Variants in CSMD3 observed in about 807,000 individuals in gnomAD.
CSMD3 encodes CUB and Sushi multiple domains 3.
A neutral mutation model predicts 435.2 loss-of-function variants in CSMD3; 177 were observed. The ratio of observed to expected loss-of-function variants is 0.41; its 90% confidence interval spans 0.36 to 0.46. CSMD3 has a LOEUF of 0.46. CSMD3 is among the 20% of genes least tolerant of loss of function. The probability of loss-of-function intolerance (pLI) is 0.34; values close to 1 mark genes in which losing one functional copy is unlikely to be tolerated. For synonymous variants in CSMD3, 1,656 were observed against 1,520.5 expected (o/e 1.09, Z -2.07); for missense variants, 4,265 against 4,504.6 (o/e 0.95, Z 1.52).
intron 1 of CSMD3, among the ~76,000 whole-genome samples, chr8:113,380,521 ATAGAC>A (rs775495465): frequency 6.6e-6 from 1 of 152,190 alleles, no homozygotes. Flanking sequence ...GGATCTGAAT[ATAGAC>A]TAATGTTTCC....
rs764006521 is a variant in CSMD3, at chr8:113,436,796, C to A, written c.59G>T (p.Gly20Val). 6.2e-7 allele frequency: 1 copy of A among 1,614,176 alleles called. No individual in the cohort carries two copies. The highest frequency in any genetic ancestry group is 1.1e-5 in the South Asian group (1 of 91,082). ...GCCACATTTAGCGCATCTTCGCTTG[C>A]CAGGCTCCCAGGGTTTGGATTCCTT... is the stretch of plus-strand genomic sequence containing the variant. ...RAKESKPWEP[G>V]KRRCAKCGRL... Residue 20 changes from glycine to valine, a missense_variant, in exon 1 of 71, where the codon GGC becomes GTC. Gly to Val is a moderately radical substitution (Grantham distance 109). This residue lies in a region of CSMD3 where 731 missense variants were observed against 755.4 expected (regional missense o/e 0.97). Transcript: ENST00000297405.
intron 10 of CSMD3, among the ~76,000 whole-genome samples, chr8:112,884,473 G>T (rs1328397781): frequency 6.6e-6 from 1 of 151,624 alleles, no homozygotes; most frequent in Non-Finnish European, 1.5e-5. Context: ...TAATTGTTTT[G>T]TTATAGAGGG....
At chr8:112,744,136 T>C (rs1169519756) in intron 13 of CSMD3, among the ~76,000 whole-genome samples, 1 of 152,064 alleles carries the variant, frequency 6.6e-6, no homozygotes, top group Non-Finnish European at 1.5e-5. Flanking sequence ...AATTTCAGAG[T>C]ATTAAATGTA....
At chr8:112,791,650 T>C (rs1373633019) in intron 13 of CSMD3, among the ~76,000 whole-genome samples, 1 of 152,140 alleles carries the variant, frequency 6.6e-6, no homozygotes, top group African/African-American at 2.4e-5. Flanking sequence ...GACATTTGGA[T>C]TGTTTCCAGT....
intron 10 of CSMD3, among the ~76,000 whole-genome samples, chr8:112,878,347 C>T (rs1434543350): frequency 6.6e-6 from 1 of 152,112 alleles, no homozygotes; most frequent in Admixed American, 6.6e-5. Context: ...TAGGAAAATG[C>T]AAATCAAAAC....
chr8:112,972,749 A>G (rs1185284507), intron 7 of CSMD3, among the ~76,000 whole-genome samples: 1 of 151,958 alleles, frequency 6.6e-6, no homozygotes, highest in Non-Finnish European at 1.5e-5. Flanking sequence ...TTTTTAAAAA[A>G]TATCTATTGG....
chr8:112,691,666 A>T (rs2131832937), intron 13 of CSMD3, among the ~76,000 whole-genome samples: 1 of 152,148 alleles, frequency 6.6e-6, no homozygotes, highest in Middle Eastern at 3.4e-3. Context: ...TGCCATAATT[A>T]TTTCTGACTT....
intron 3 of CSMD3, among the ~76,000 whole-genome samples, chr8:113,263,316 G>A (rs961387773): frequency 6.6e-6 from 1 of 151,860 alleles, no homozygotes; most frequent in African/African-American, 2.4e-5. Flanking sequence ...TACATACTTG[G>A]AAATACCATC....
chr8:112,515,088 T>C (rs1379555539), intron 28 of CSMD3, among the ~76,000 whole-genome samples: 1 of 152,124 alleles, frequency 6.6e-6, no homozygotes, highest in Non-Finnish European at 1.5e-5. Flanking sequence ...CTAAAGCATA[T>C]TCTTGTCTAA....
chr8:113,288,257 C>T (rs545987404), intron 2 of CSMD3, among the ~76,000 whole-genome samples: 2 of 151,758 alleles, frequency 1.3e-5, no homozygotes, highest in African/African-American at 2.4e-5. Context: ...ATATAAACCA[C>T]AATCTTCTAG....
intron 4 of CSMD3, among the ~76,000 whole-genome samples, chr8:113,155,807 G>A (rs148369577): frequency 6.6e-6 from 1 of 152,012 alleles, no homozygotes; most frequent in African/African-American, 2.4e-5. Flanking sequence ...GATATATTCA[G>A]TATGTAACTG....
chr8:113,368,546 G>A (rs1180712332), intron 1 of CSMD3, among the ~76,000 whole-genome samples: 2 of 152,092 alleles, frequency 1.3e-5, no homozygotes, highest in African/African-American at 4.8e-5. Context: ...ATGTTAATGT[G>A]TTACCTTTCC....
At chr8:112,560,850 AG>A (rs1458055815) in intron 24 of CSMD3, among the ~76,000 whole-genome samples, 2 of 151,704 alleles carry the variant, frequency 1.3e-5, no homozygotes, top group African/African-American at 2.4e-5. Flanking sequence ...TATAATATTC[AG>A]TTTATCATTC....
At chr8:112,333,693 C>CAA (rs1554645013) in intron 45 of CSMD3, among the ~76,000 whole-genome samples, 2 of 150,770 alleles carry the variant, frequency 1.3e-5, no homozygotes, top group East Asian at 2.0e-4. Flanking sequence ...CACACACACA[C>CAA]AACACTGACA....
chr8:113,067,602 T>C (rs1459077709), intron 5 of CSMD3, among the ~76,000 whole-genome samples: 2 of 152,152 alleles, frequency 1.3e-5, no homozygotes, highest in Non-Finnish European at 2.9e-5. Context: ...TATGCCTTAA[T>C]TGAATGCATT....
At chr8:113,193,089 G>C (rs902001291) in intron 3 of CSMD3, among the ~76,000 whole-genome samples, 1 of 151,314 alleles carries the variant, frequency 6.6e-6, no homozygotes, top group African/African-American at 2.4e-5. Flanking sequence ...AGGGAATACA[G>C]ACCTAGCTGC....
At chr8:112,337,227 T>G (rs1170766736) in intron 43 of CSMD3, among the ~76,000 whole-genome samples, 2 of 152,180 alleles carry the variant, frequency 1.3e-5, no homozygotes, top group African/African-American at 2.4e-5. Context: ...TAGCAGTATC[T>G]GGGTTAGTGG....
In CSMD3 at chr8:112,779,550, G is replaced by A. The variant is rs370334535; in HGVS notation, c.1972+20612C>T. On this transcript the variant is annotated intron_variant, in intron 13 of 70. Coordinates refer to ENST00000297405, the MANE Select transcript of CSMD3 (RefSeq NM_198123.2). ...ATTCAGCCTTTAAATTCAAAATTCA[G>A]CCATCTTCAGCCCATCACAGAGTTG... 1.5e-4 allele frequency among the ~76,000 whole-genome samples: 23 copies of A among 151,890 alleles called. 1 individual carries two copies. The East Asian group carries it at 3.9e-3, about 26-fold the overall frequency.
chr8:112,624,831 G>C (rs1328498015), intron 22 of CSMD3, among the ~76,000 whole-genome samples: 1 of 151,918 alleles, frequency 6.6e-6, no homozygotes, highest in African/African-American at 2.4e-5. Context: ...TCCATATCTA[G>C]GGCACTTGGT....
Sources: gnomAD v4.1 joint callset for allele counts (sites outside exome capture counted in the v4.1 genomes callset) on GRCh38, gnomAD v4.1.1 for gene constraint, gnomAD v4.1.1 regional missense constraint, MANE v1.5 for transcripts, NCBI Gene and HGNC (gene_info 2026-07-23, HGNC 2026-07-21) for gene names.